The following LRP1B variants were observed in gnomAD, a reference collection of about 807,000 sequenced individuals.
The protein encoded by LRP1B is low-density lipoprotein receptor-related protein 1B.
Under a neutral mutation model 556.6 loss-of-function variants are expected in LRP1B, and 217 were observed. The ratio of observed to expected loss-of-function variants is 0.39; its 90% CI spans 0.35 to 0.44. The LOEUF (loss-of-function observed/expected upper bound fraction) is 0.44, where lower values mean the gene tolerates loss of function less well. Ranked by LOEUF, LRP1B falls within the 20% of genes least tolerant of loss-of-function variation. The pLI is 1.00. For synonymous variants in LRP1B, 2,047 were observed against 1,865.8 expected (o/e 1.10, Z -2.50); for missense variants, 5,053 against 5,620.8 (o/e 0.90, Z 3.23).
chr2:140,414,823 C>T (rs952478813), intron 66 of LRP1B, among the ~76,000 whole-genome samples: 9 of 152,050 alleles, frequency 5.9e-5, no homozygotes, highest in African/African-American at 2.2e-4. Flanking sequence ...TAACAGCGAT[C>T]TTTAGGGAAC....
chr2:141,604,913 C>T (rs373565105), intron 2 of LRP1B, among the ~76,000 whole-genome samples: 30 of 152,146 alleles, frequency 2.0e-4, no homozygotes, highest in East Asian at 1.6e-3. Context: ...CCCTGGAACA[C>T]GGGTACAAGC....
chr2:141,861,629 T>G (rs981111772), intron 1 of LRP1B, among the ~76,000 whole-genome samples: 1 of 152,118 alleles, frequency 6.6e-6, no homozygotes, highest in African/African-American at 2.4e-5. Flanking sequence ...ACTCTTTCCA[T>G]AGAGAAAACA....
At chr2:141,439,371 TA>T (rs1452121980) in intron 3 of LRP1B, among the ~76,000 whole-genome samples, 3 of 152,040 alleles carry the variant, frequency 2.0e-5, no homozygotes, top group Admixed American at 6.6e-5. Flanking sequence ...TGAATTTTTT[TA>T]CAATTATGTC....
chr2:141,383,659 A>C (rs1171410378), intron 3 of LRP1B, among the ~76,000 whole-genome samples: 1 of 152,194 alleles, frequency 6.6e-6, no homozygotes, highest in Non-Finnish European at 1.5e-5. Flanking sequence ...ATATGCAGTA[A>C]AGTAGTATTC....
intron 32 of LRP1B, among the ~76,000 whole-genome samples, chr2:140,798,945 C>A (rs1409650759): frequency 6.6e-6 from 1 of 152,204 alleles, no homozygotes; most frequent in East Asian, 1.9e-4. Context: ...TGTCTATTAG[C>A]ACTAATGTGT....
At chr2:141,599,045 T>TCCCCCCCCCCCCCC (rs1559166868) in intron 2 of LRP1B, among the ~76,000 whole-genome samples, 2 of 29,002 alleles carry the variant, frequency 6.9e-5, no homozygotes, top group African/African-American at 1.9e-4. Flanking sequence ...TTTGTTCAAC[T>TCCCCCCCCCCCCCC]CCCCCCCGCC....
rs568628493 is a variant in LRP1B at position 140,741,456 on chromosome 2, T to C, written c.5759-24640A>G. On this transcript the variant is annotated intron_variant, in intron 35 of 90. Transcript: ENST00000389484. ...GAATATCTGTCCCAAGAGACTTACA[T>C]TGCCAATGTTCAGCAACCACACTAT... Among the ~76,000 whole-genome samples the C allele has an allele frequency of 2.0e-5, 3 of 152,248 alleles. No homozygotes were observed. In the East Asian group the frequency reaches 5.8e-4, roughly 29 times the overall value.
chr2:140,527,000 T>C (rs1360737667), intron 47 of LRP1B, among the ~76,000 whole-genome samples: 1 of 151,208 alleles, frequency 6.6e-6, no homozygotes. Context: ...ATCATTAATA[T>C]TTAATATAAT....
At chr2:141,115,458 G>GTTTT (rs70991138) in intron 7 of LRP1B, among the ~76,000 whole-genome samples, 11,464 of 120,202 alleles carry the variant, frequency 0.095, 916 homozygotes, top group Non-Finnish European at 0.11. Context: ...TTTTGTTTTT[G>GTTTT]TTTTTTTTTT....
At chr2:142,079,073 T>C (rs1705616506) in intron 1 of LRP1B, among the ~76,000 whole-genome samples, 2 of 152,192 alleles carry the variant, frequency 1.3e-5, no homozygotes, top group South Asian at 4.1e-4. Flanking sequence ...TGAAATGCCA[T>C]TACATTTAAT....
intron 1 of LRP1B, among the ~76,000 whole-genome samples, chr2:141,843,127 T>C (rs1444127897): frequency 1.3e-5 from 2 of 152,084 alleles, no homozygotes; most frequent in African/African-American, 4.8e-5. Context: ...AACCAGTGGG[T>C]TTCTTCTGTT....
rs141291933 is a variant in LRP1B, at chr2:141,160,172, T to C, written c.1013+28249A>G. Among the ~76,000 whole-genome samples, 279 of 152,242 alleles carry C rather than the reference T, an allele frequency of 1.8e-3. 3 individuals carry two copies. Among genetic ancestry groups the C allele is most frequent in the African/African-American group, 6.5e-3 (271 of 41,562 alleles). ...CAATATAAGCACATGAGGTTTAACA[T>C]TGTTAGCCATTGGGACATGAAAATT... is the stretch of plus-strand genomic sequence containing the variant. On this transcript the variant is annotated intron_variant, in intron 7 of 90. Coordinates refer to ENST00000389484, the MANE Select transcript of LRP1B (RefSeq NM_018557.3).
chr2:140,671,379 G>C (rs374503552), intron 41 of LRP1B, among the ~76,000 whole-genome samples: 1 of 152,104 alleles, frequency 6.6e-6, no homozygotes, highest in South Asian at 2.1e-4. Context: ...AAATTAGCCG[G>C]GCATGATGGC....
chr2:140,828,722 G>A lies in LRP1B; in HGVS notation c.5209+11269C>T, dbSNP rs1204903982. Among the ~76,000 whole-genome samples the A allele has an allele frequency of 5.3e-5, 4 of 75,180 alleles. 1 individual carries two copies. The highest frequency in any genetic ancestry group is 0.011 in the Middle Eastern group (2 of 180). The allele number at this position is 75,180 out of a possible 152,430, so 49.3% of individuals were successfully genotyped here. A position where few individuals can be genotyped will look rare whatever the true frequency, so the allele number is the denominator to read the frequency against. ...GGAGAATGGCGTGAACCCGGGAGGCGGAGCTTGCAGTGAACCGAGATCGCG... is the reference window on the plus strand; with the variant it reads ...GGAGAATGGCGTGAACCCGGGAGGCAGAGCTTGCAGTGAACCGAGATCGCG... On this transcript the variant is annotated intron_variant, in intron 31 of 90. Transcript: ENST00000389484.
At position 141,714,438 on chromosome 2, in the gene LRP1B, C is replaced by T. The variant is rs558945738; in HGVS notation, c.205+95841G>A. Among the ~76,000 whole-genome samples, 4 of 134,138 alleles carry T rather than the reference C, an allele frequency of 3.0e-5. No individual in the cohort carries two copies. The East Asian group carries it at 6.7e-4, about 23-fold the overall frequency. 88.0% of individuals were successfully genotyped at this position (134,138 alleles called of 152,430 possible). A position where few individuals can be genotyped will look rare whatever the true frequency, so the allele number is the denominator to read the frequency against. On this transcript the variant is annotated intron_variant, in intron 2 of 90. Transcript: ENST00000389484. ...AAAAGTTAACCTTGAAGCAACTTGT[C>T]TCTGTAGGCTCTTTTTTTTTTTTCC... is the stretch of plus-strand genomic sequence containing the variant.
At chr2:142,092,104 C>T (rs372913028) in intron 1 of LRP1B, among the ~76,000 whole-genome samples, 3 of 152,294 alleles carry the variant, frequency 2.0e-5, no homozygotes, top group South Asian at 2.1e-4. Context: ...GCCATCTCCA[C>T]GCTGATTTCA....
chr2:141,288,901 C>T (rs1225287972), intron 3 of LRP1B, among the ~76,000 whole-genome samples: 1 of 152,004 alleles, frequency 6.6e-6, no homozygotes, highest in Non-Finnish European at 1.5e-5. Context: ...AAGCTTTATT[C>T]CCACTAGAAA....
intron 11 of LRP1B, among the ~76,000 whole-genome samples, chr2:141,044,571 C>T (rs1267274837): frequency 6.6e-6 from 1 of 150,608 alleles, no homozygotes; most frequent in Admixed American, 6.6e-5. Context: ...AACAAATTTA[C>T]AAGAAAAAAA....
intron 65 of LRP1B, among the ~76,000 whole-genome samples, chr2:140,443,708 T>G (rs1256501430): frequency 6.6e-6 from 1 of 152,214 alleles, no homozygotes; most frequent in African/African-American, 2.4e-5. Context: ...GTATATGGTA[T>G]AAACAGTTTT....
Sources: allele counts gnomAD v4.1 joint callset (sites outside exome capture counted in the v4.1 genomes callset), GRCh38; gene constraint gnomAD v4.1.1; transcripts MANE v1.5; gene names NCBI Gene and HGNC (gene_info 2026-07-23, HGNC 2026-07-21).